APRT: variants seen among roughly 807,000 people sequenced by gnomAD.
APRT encodes the protein AMP diphosphorylase.
APRT carries 25 observed loss-of-function variants against 21.0 expected under a neutral mutation model. That is an observed-to-expected ratio of 1.19 (90% CI 0.87 to 1.66). The LOEUF (loss-of-function observed/expected upper bound fraction) is 1.66, where lower values mean the gene tolerates loss of function less well. APRT is among the 40% of genes most tolerant of loss of function. APRT has a pLI of 0.00. For missense variants in APRT, 294 were observed against 232.7 expected (o/e 1.26, Z -1.72); for synonymous variants, 153 against 109.0 (o/e 1.40, Z -2.52).
chr16:88,810,736 C>T (rs1288206753), intron 2 of APRT, among the ~76,000 whole-genome samples, 180 bp from the exon 3 acceptor site: 1 of 152,194 alleles, frequency 6.6e-6, no homozygotes, highest in Non-Finnish European at 1.5e-5. Flanking sequence ...AGACCTGGGT[C>T]TGTCTTTTAA....
In APRT at chr16:88,810,126, T is replaced by C. The variant is rs1452516286; in HGVS notation, c.344A>G (p.Asp115Gly). 1 of 1,613,156 alleles carries C rather than the reference T, an allele frequency of 6.2e-7. No individual in the cohort carries two copies. Among genetic ancestry groups the C allele is most frequent in the East Asian group, 2.2e-5 (1 of 44,884 alleles). The stretch of plus-strand genomic sequence containing the variant: ...CACCCTCTGTCCTGGCTCCAGGGCG[T>C]CTTTCTGAATCTCCAGCTCAGCCTG... ...YGKAELEIQK[D>G]ALEPGQRVVV... The change falls in exon 4 of 5, where the codon GAC (aspartate) becomes GGC (glycine). Residue 115 changes from aspartate to glycine, a missense_variant. Transcript: ENST00000378364.
At position 88,809,714 on chromosome 16, in the gene APRT, A is replaced by G. The variant is rs1463871742; in HGVS notation, c.527T>C (p.Leu176Pro). ...EKLAPVPFFSLLQYE is the reference protein window; with the variant it reads ...EKLAPVPFFSPLQYE Reference sequence around the variant, plus strand: ...GCCCTGTGGTCACTCATACTGCAGGAGAGAGAAGAAGGGTACAGGTGCCAG... The same window carrying G: ...GCCCTGTGGTCACTCATACTGCAGGGGAGAGAAGAAGGGTACAGGTGCCAG... The change falls in exon 5 of 5, where the codon CTC becomes CCC. Residue 176 changes from leucine to proline, a missense_variant. Physicochemically the swap from Leu to Pro is moderately conservative, Grantham distance 98 (BLOSUM62 -3). Transcript: ENST00000378364. The G allele has an allele frequency of 3.7e-6, 6 of 1,613,232 alleles. No individual in the cohort carries two copies. The highest frequency in any genetic ancestry group is 1.1e-5 in the South Asian group (1 of 91,084).
intron 2 of APRT, 131 bp from the exon 3 acceptor site, chr16:88,810,687 A>G (rs1027954200): frequency 4.1e-6 from 5 of 1,226,222 alleles, no homozygotes; most frequent in Non-Finnish European, 5.7e-6. Flanking sequence ...AAGGAATGTT[A>G]CCCATCACCT....
rs1909088511 is a variant in APRT at position 88,810,517 on chromosome 16, G to C, written c.227C>G (p.Ala76Gly). ...SRGFLFGPSL[A>G]QELGLGCVLI... ...CACGCAGCCCAGTCCAAGCTCCTGG[G>C]CCAGGGAGGGGCCAAAGAGGAAGCC... The change falls in exon 3 of 5, where the codon GCC becomes GGC. Residue 76 changes from alanine (A) to glycine (G), a missense_variant. Physicochemically the swap from Ala to Gly is moderately conservative, Grantham distance 60. Coordinates refer to ENST00000378364, the MANE Select transcript of APRT (RefSeq NM_000485.3). The C allele has an allele frequency of 1.2e-6, 2 of 1,612,260 alleles. No homozygotes were observed. The highest frequency in any genetic ancestry group is 4.5e-5 in the East Asian group (2 of 44,886).
At position 88,810,453 on chromosome 16, in the gene APRT, C is replaced by A; in HGVS notation, c.291G>T (p.Leu97=). ...RKRGKLPGPT[L]WASYSLEYGK... ...CGTACTCCAGGGAATAGGAGGCCCACAGAGTGGGGCCTGGCAGCTTCCCCC... is the reference window on the plus strand; with the variant it reads ...CGTACTCCAGGGAATAGGAGGCCCAAAGAGTGGGGCCTGGCAGCTTCCCCC... The change falls in exon 3 of 5, where the codon CTG becomes CTT. Residue 97 remains leucine (L), a synonymous_variant. Transcript: ENST00000378364. 1 of 1,612,194 alleles carries A rather than the reference C, an allele frequency of 6.2e-7. No homozygotes were observed. The highest frequency in any genetic ancestry group is 1.1e-5 in the South Asian group (1 of 91,078).
At position 88,811,670 on chromosome 16, in the gene APRT, C is replaced by T; in HGVS notation, c.81-14G>A. On this transcript the variant is annotated splice_polypyrimidine_tract_variant and intron_variant, in intron 1 of 4. Coordinates refer to ENST00000378364, the MANE Select transcript of APRT (RefSeq NM_000485.3). ...GGCGAGATGTCCCTGGACCCAAGGA[C>T]AGGCCTGGTGACGCCGGGGCCGAAG... 1 of 1,570,698 alleles carries T rather than the reference C, an allele frequency of 6.4e-7. No individual in the cohort carries two copies.
At position 88,810,475 on chromosome 16, in the gene APRT, C is replaced by G; in HGVS notation, c.269G>C (p.Gly90Ala). ...GLGCVLIRKR[G>A]KLPGPTLWAS... ...CCACAGAGTGGGGCCTGGCAGCTTC[C>G]CCCGCTTTCGGATGAGCACGCAGCC... is the stretch of plus-strand genomic sequence containing the variant. The change falls in exon 3 of 5, where the codon GGG (glycine) becomes GCG (alanine). Residue 90 changes from glycine to alanine, a missense_variant. Gly to Ala is a moderately conservative substitution (Grantham distance 60). Transcript: ENST00000378364. 6.2e-7 allele frequency: 1 copy of G among 1,612,316 alleles called. No homozygotes were observed. The highest frequency in any genetic ancestry group is 1.1e-5 in the South Asian group (1 of 91,082).
At chr16:88,810,689 C>T in intron 2 of APRT, 133 bp from the exon 3 acceptor site, 1 of 1,200,598 alleles carries the variant, frequency 8.3e-7, no homozygotes, top group Admixed American at 2.1e-5. Context: ...GGAATGTTAC[C>T]CATCACCTAC....
chr16:88,810,396 TTCC>T (rs1567504844), intron 3 of APRT, 24 bp downstream of exon 3: 4 of 1,610,152 alleles, frequency 2.5e-6, no homozygotes, highest in Non-Finnish European at 3.4e-6. Context: ...GGCCCTGCCC[TTCC>T]TCTGGCCACC....
Position 88,811,883 on chromosome 16 carries a change from A to C in APRT, c.17T>G (p.Leu6Arg). Residue 6 changes from leucine to arginine, a missense_variant, in exon 1 of 5, where the codon CTG (leucine) becomes CGG (arginine). Physicochemically the swap from Leu to Arg is moderately radical, Grantham distance 102 (BLOSUM62 -2). Transcript: ENST00000378364. MADSE[L>R]QLVEQRIRSF... is the part of the protein sequence containing the mutation. ...GCGGATCCGCTGCTCAACCAGCTGCAGCTCGGAGTCGGCCATGGCCGCGTG... is the reference window on the plus strand; with the variant it reads ...GCGGATCCGCTGCTCAACCAGCTGCCGCTCGGAGTCGGCCATGGCCGCGTG... 1.3e-6 allele frequency: 2 copies of C among 1,560,744 alleles called. No individual in the cohort carries two copies. Among genetic ancestry groups the C allele is most frequent in the Non-Finnish European group, 1.7e-6 (2 of 1,155,264 alleles).
chr16:88,809,373 G>A lies in APRT; in HGVS notation c.*325C>T, dbSNP rs1244731017. 4.0e-6 allele frequency: 2 copies of A among 499,192 alleles called. No homozygotes were observed. Among genetic ancestry groups the A allele is most frequent in the Non-Finnish European group, 7.8e-6 (2 of 256,470 alleles). The allele number at this position is 499,192 out of a possible 1,614,324, so 30.9% of individuals were successfully genotyped here. On this transcript the variant is annotated 3_prime_UTR_variant, in exon 5 of 5. Coordinates refer to ENST00000378364, the MANE Select transcript of APRT (RefSeq NM_000485.3). ...TGAGAACCAGGACAGGTTCTGCTGG[G>A]CATCACGCCAAGCAGCACATGCCCA...
intron 2 of APRT, chr16:88,811,079 C>T (rs1017602967): frequency 6.8e-6 from 2 of 292,048 alleles, no homozygotes; most frequent in African/African-American, 2.2e-5. Context: ...GCTGTCACAC[C>T]CTAGGAGAGG....
At chr16:88,811,360 G>A (rs1056492643) in intron 2 of APRT, 190 bp downstream of exon 2, 1 of 629,936 alleles carries the variant, frequency 1.6e-6, no homozygotes, top group Non-Finnish European at 2.7e-6. Context: ...CGGGAAGGAC[G>A]CCTGCACAGC....
chr16:88,811,255 A>T (rs1260028375), intron 2 of APRT: 1 of 516,350 alleles, frequency 1.9e-6, no homozygotes, highest in Admixed American at 3.6e-5. Context: ...GAAGCAAGGC[A>T]GCTGGGCCCT....
intron 3 of APRT, 136 bp from the exon 4 acceptor site, chr16:88,810,284 C>T (rs1168867264): frequency 1.3e-6 from 2 of 1,504,580 alleles, no homozygotes; most frequent in Non-Finnish European, 1.8e-6. Context: ...CAGCCTATGT[C>T]TCAACCTCTC....
rs757940536 is a variant in APRT, at chr16:88,809,380, G to A, written c.*318C>T. 5.3e-5 allele frequency: 27 copies of A among 508,024 alleles called. No individual in the cohort carries two copies. The highest frequency in any genetic ancestry group is 4.2e-4 in the East Asian group (8 of 18,956). 31.5% of individuals were successfully genotyped at this position (508,024 alleles called of 1,614,324 possible). A position where few individuals can be genotyped will look rare whatever the true frequency, so the allele number is the denominator to read the frequency against. On this transcript the variant is annotated 3_prime_UTR_variant, in exon 5 of 5. Transcript: ENST00000378364. ...CAGGACAGGTTCTGCTGGGCATCAC[G>A]CCAAGCAGCACATGCCCACAGTACA...
chr16:88,811,256 G>A (rs1909125683), intron 2 of APRT: 1 of 520,358 alleles, frequency 1.9e-6, no homozygotes, highest in Non-Finnish European at 3.4e-6. Flanking sequence ...AAGCAAGGCA[G>A]CTGGGCCCTG....
At position 88,811,626 on chromosome 16, in the gene APRT, G is replaced by A; in HGVS notation, c.111C>T (p.Ala37=). The A allele has an allele frequency of 6.2e-7, 1 of 1,602,136 alleles. No homozygotes were observed. Among genetic ancestry groups the A allele is most frequent in the Non-Finnish European group, 8.5e-7 (1 of 1,175,038 alleles). The change falls in exon 2 of 5, where the codon GCC becomes GCT. Residue 37 remains alanine, a synonymous_variant. Transcript: ENST00000378364. ...RDISPVLKDP[A]SFRAAIGLLA... ...GGAGGCCGATGGCGGCGCGGAAGGA[G>A]GCGGGGTCCTTCAGGACGGGCGAGA...
rs538606935 is a variant in APRT, at chr16:88,810,522, G to A, written c.222C>T (p.Ser74=). ...LDSRGFLFGP[S]LAQELGLGCV... Reference sequence around the variant, plus strand: ...AGCCCAGTCCAAGCTCCTGGGCCAGGGAGGGGCCAAAGAGGAAGCCTCGGG... The same window carrying A: ...AGCCCAGTCCAAGCTCCTGGGCCAGAGAGGGGCCAAAGAGGAAGCCTCGGG... The change falls in exon 3 of 5, where the codon TCC becomes TCT. Residue 74 remains serine (S), a synonymous_variant. Transcript: ENST00000378364. The A allele has an allele frequency of 6.2e-7, 1 of 1,612,292 alleles. No individual in the cohort carries two copies. Among genetic ancestry groups the A allele is most frequent in the South Asian group, 1.1e-5 (1 of 91,032 alleles).
Sources: allele counts gnomAD v4.1 joint callset (sites outside exome capture counted in the v4.1 genomes callset), GRCh38; gene constraint gnomAD v4.1.1; transcripts MANE v1.5; gene names NCBI Gene and HGNC (gene_info 2026-07-23, HGNC 2026-07-21).